The following AGAP1 variants were observed in gnomAD, a reference collection of about 807,000 sequenced individuals.
AGAP1 encodes the protein ArfGAP with GTPase domain, ankyrin repeat and PH domain 1, also known as arf-GAP with GTPase, ANK repeat and PH domain-containing protein 1.
In AGAP1, 29 loss-of-function variants were observed where a neutral mutation model predicts 105.3. That is an observed-to-expected ratio of 0.28 (90% confidence interval 0.21 to 0.38). The LOEUF is 0.38. Among genes scored for constraint, AGAP1 ranks in the 10% least tolerant of loss-of-function variants. The probability of loss-of-function intolerance (pLI) is 1.00; values close to 1 mark genes in which losing one functional copy is unlikely to be tolerated. For missense variants in AGAP1, 998 were observed against 1,165.1 expected (o/e 0.86, Z 2.09); for synonymous variants, 509 against 485.9 (o/e 1.05, Z -0.63).
chr2:236,035,797 A>G lies in AGAP1; in HGVS notation c.1646-764A>G, dbSNP rs541107681. Among the ~76,000 whole-genome samples, 1 of 152,208 alleles carries G rather than the reference A, an allele frequency of 6.6e-6. No homozygotes were observed. Among genetic ancestry groups the G allele is most frequent in the Non-Finnish European group, 1.5e-5 (1 of 68,000 alleles). On this transcript the variant is annotated intron_variant, in intron 13 of 17. Coordinates refer to ENST00000304032, the MANE Select transcript of AGAP1 (RefSeq NM_001037131.3). The surrounding 1 kb of genome is among the most constrained non-coding windows in gnomAD (Gnocchi z 4.2). ...GTCCCAAGTCCGCATGGGTCTGTACACTTCATGGAACTAGCAGAAAAGCAT... is the reference window on the plus strand; with the variant it reads ...GTCCCAAGTCCGCATGGGTCTGTACGCTTCATGGAACTAGCAGAAAAGCAT...
At chr2:235,658,166 G>A (rs574605386) in intron 1 of AGAP1, among the ~76,000 whole-genome samples, 5 of 152,282 alleles carry the variant, frequency 3.3e-5, no homozygotes, top group East Asian at 3.9e-4. Context: ...TAAAACCTTG[G>A]TGGCCAATTA....
Position 235,973,199 on chromosome 2 carries a change from C to T in AGAP1, c.1645+4576C>T, listed in dbSNP as rs1301713774. On this transcript the variant is annotated intron_variant, in intron 13 of 17. Transcript: ENST00000304032. The surrounding 1 kb of genome is among the most constrained non-coding windows in gnomAD (Gnocchi z 4.7). The stretch of plus-strand genomic sequence containing the variant: ...TCTCCCTGCGCAGGTGCTCGCTGTG[C>T]TCTTTTTGCTGAAGAACAGCCACTT... Among the ~76,000 whole-genome samples the T allele has an allele frequency of 1.3e-5, 2 of 152,162 alleles. No individual in the cohort carries two copies. Among genetic ancestry groups the T allele is most frequent in the African/African-American group, 4.8e-5 (2 of 41,436 alleles).
chr2:235,813,091 TG>T (rs1224902604), intron 9 of AGAP1, among the ~76,000 whole-genome samples: 1 of 152,172 alleles, frequency 6.6e-6, no homozygotes, highest in African/African-American at 2.4e-5. Flanking sequence ...ATACTGTCAT[TG>T]CCAGAACAGT....
At chr2:235,671,492 C>A (rs569353251) in intron 1 of AGAP1, among the ~76,000 whole-genome samples, 4 of 152,296 alleles carry the variant, frequency 2.6e-5, no homozygotes, top group Admixed American at 6.5e-5. Flanking sequence ...TCCTGGCGCC[C>A]CTCCCTGCCT....
rs1405197541 is a variant in AGAP1, at chr2:236,073,958, A to G, written c.2114+24677A>G. ...CTCAAGAACCACCCTCTGGGTGCCA[A>G]GGTCTCCTCCAGGAGCACAGGTTCT... On this transcript the variant is annotated intron_variant, in intron 16 of 17. Transcript: ENST00000304032. The surrounding 1 kb of genome is among the most constrained non-coding windows in gnomAD (Gnocchi z 5.4). Among the ~76,000 whole-genome samples, 1 of 152,138 alleles carries G rather than the reference A, an allele frequency of 6.6e-6. No homozygotes were observed. The highest frequency in any genetic ancestry group is 2.4e-5 in the African/African-American group (1 of 41,448).
intron 13 of AGAP1, among the ~76,000 whole-genome samples, chr2:235,990,438 C>A (rs1265105529): frequency 6.6e-6 from 1 of 152,226 alleles, no homozygotes; most frequent in Non-Finnish European, 1.5e-5. Flanking sequence ...GAAGCCAGGA[C>A]TGGCAACATC....
chr2:235,899,240 C>T lies in AGAP1; in HGVS notation c.1156-9498C>T, dbSNP rs540563207. 5.9e-5 allele frequency among the ~76,000 whole-genome samples: 9 copies of T among 152,252 alleles called. 1 individual carries two copies. The South Asian group carries it at 1.2e-3, about 21-fold the overall frequency. ...TAAAACTCTACTGTTTGGCCGGGCGCGGTGGCTCGCACCTGTAATTCCAGC... is the reference window on the plus strand; with the variant it reads ...TAAAACTCTACTGTTTGGCCGGGCGTGGTGGCTCGCACCTGTAATTCCAGC... On this transcript the variant is annotated intron_variant, in intron 10 of 17. Coordinates refer to ENST00000304032, the MANE Select transcript of AGAP1 (RefSeq NM_001037131.3).
chr2:235,702,768 C>T (rs1467676492), intron 1 of AGAP1, among the ~76,000 whole-genome samples: 2 of 151,984 alleles, frequency 1.3e-5, no homozygotes, highest in African/African-American at 4.8e-5. Context: ...ATGTGCCTGT[C>T]TCCAAGCAGG....
intron 13 of AGAP1, among the ~76,000 whole-genome samples, chr2:236,019,749 T>G (rs1291148794): frequency 6.6e-6 from 1 of 152,238 alleles, no homozygotes; most frequent in African/African-American, 2.4e-5. Context: ...TCCACAGATC[T>G]GCAGACAGCT....
rs993020985 is a variant in AGAP1, at chr2:235,625,174, G to C, written c.164-84005G>C. Reference sequence around the variant, plus strand: ...TTCCAGGTGCCTGCTCTAGACTCTTGGTGTTGCTCTTCTTTCCTTCATGAC... The same window carrying C: ...TTCCAGGTGCCTGCTCTAGACTCTTCGTGTTGCTCTTCTTTCCTTCATGAC... On this transcript the variant is annotated intron_variant, in intron 1 of 17. Transcript: ENST00000304032. This position sits in a 1 kb window ranked among gnomAD's most constrained non-coding sequence, Gnocchi z 4.0. 6.6e-6 allele frequency among the ~76,000 whole-genome samples: 1 copy of C among 152,186 alleles called. No individual in the cohort carries two copies. The highest frequency in any genetic ancestry group is 2.4e-5 in the African/African-American group (1 of 41,438).
rs1389037484 is a variant in AGAP1, at chr2:235,623,076, A to G, written c.164-86103A>G. On this transcript the variant is annotated intron_variant, in intron 1 of 17. Transcript: ENST00000304032. The surrounding 1 kb of genome is among the most constrained non-coding windows in gnomAD (Gnocchi z 4.5). ...TTGGACATTCTTTTTGGGGGAATAG[A>G]TGTCTCTCATGCAGCTCATTTTCCA... Among the ~76,000 whole-genome samples, 1 of 152,158 alleles carries G rather than the reference A, an allele frequency of 6.6e-6. No homozygotes were observed. The highest frequency in any genetic ancestry group is 2.1e-4 in the South Asian group (1 of 4,826).
Position 235,981,119 on chromosome 2 carries a change from G to C in AGAP1, c.1645+12496G>C, listed in dbSNP as rs1303514894. 1.3e-5 allele frequency among the ~76,000 whole-genome samples: 2 copies of C among 152,146 alleles called. No individual in the cohort carries two copies. The highest frequency in any genetic ancestry group is 2.9e-5 in the Non-Finnish European group (2 of 68,036). ...AGGAATTAGACACCCCAGAGTATGT[G>C]ATCACTGTGAGATGTTTCTCAAAGT... is the stretch of plus-strand genomic sequence containing the variant. On this transcript the variant is annotated intron_variant, in intron 13 of 17. Transcript: ENST00000304032. The surrounding 1 kb of genome is among the most constrained non-coding windows in gnomAD (Gnocchi z 5.5).
At position 235,741,895 on chromosome 2, in the gene AGAP1, G is replaced by A. The variant is rs1274269436; in HGVS notation, c.396+847G>A. ...CAGCCTCCTGAGTAGCTGGGACTAC[G>A]GGCGCCTGCTACCACGCCTGGCTAA... On this transcript the variant is annotated intron_variant, in intron 4 of 17. Transcript: ENST00000304032. This position sits in a 1 kb window ranked among gnomAD's most constrained non-coding sequence, Gnocchi z 4.9. Among the ~76,000 whole-genome samples, 12 of 151,396 alleles carry A rather than the reference G, an allele frequency of 7.9e-5. No homozygotes were observed. Among genetic ancestry groups the A allele is most frequent in the African/African-American group, 2.4e-4 (10 of 41,230 alleles).
intron 13 of AGAP1, among the ~76,000 whole-genome samples, chr2:236,023,071 G>A (rs561857613): frequency 5.9e-5 from 9 of 152,280 alleles, no homozygotes; most frequent in East Asian, 1.9e-4. Flanking sequence ...GGGTGTGTGC[G>A]TGACATTGCC....
chr2:236,111,400 C>G (rs2059634793), intron 16 of AGAP1, among the ~76,000 whole-genome samples: 1 of 151,782 alleles, frequency 6.6e-6, no homozygotes, highest in Non-Finnish European at 1.5e-5. Context: ...CCTGTAGTTG[C>G]AACTGCTCAA....
In AGAP1 at chr2:235,927,681, T is replaced by A. The variant is rs577011312; in HGVS notation, c.1325-3084T>A. ...ACTTCTGGAGCTTTATTGCAAGTAG[T>A]CAGTGATGGATGCACTGAAATACTG... On this transcript the variant is annotated intron_variant, in intron 11 of 17. Coordinates refer to ENST00000304032, the MANE Select transcript of AGAP1 (RefSeq NM_001037131.3). This position sits in a 1 kb window ranked among gnomAD's most constrained non-coding sequence, Gnocchi z 4.4. Among the ~76,000 whole-genome samples, 4 of 152,194 alleles carry A rather than the reference T, an allele frequency of 2.6e-5. No individual in the cohort carries two copies. The highest frequency in any genetic ancestry group is 5.9e-5 in the Non-Finnish European group (4 of 68,042).
chr2:235,821,301 A>G (rs1168278718), intron 9 of AGAP1, among the ~76,000 whole-genome samples: 2 of 152,204 alleles, frequency 1.3e-5, no homozygotes, highest in African/African-American at 2.4e-5. Context: ...GAGCATGAAA[A>G]TATGTATACA....
At chr2:235,943,685 G>A (rs2125227641) in intron 12 of AGAP1, among the ~76,000 whole-genome samples, 1 of 152,244 alleles carries the variant, frequency 6.6e-6, no homozygotes, top group East Asian at 1.9e-4. Context: ...AAGAAAGAAA[G>A]GCATGGAAGA....
chr2:235,797,729 T>C (rs1384737675), intron 6 of AGAP1, 30 bp from the exon 7 acceptor site: 3 of 1,613,822 alleles, frequency 1.9e-6, no homozygotes, highest in Non-Finnish European at 1.7e-6. Flanking sequence ...TTGATTGACA[T>C]GGATTTCTTT....
Sources: allele counts gnomAD v4.1 joint callset (sites outside exome capture counted in the v4.1 genomes callset), GRCh38; gene constraint gnomAD v4.1.1; non-coding constraint Gnocchi (gnomAD v3.1); transcripts MANE v1.5; gene names NCBI Gene and HGNC (gene_info 2026-07-23, HGNC 2026-07-21).